The following PLCB1 variants were observed in gnomAD, a reference collection of about 807,000 sequenced individuals.
The protein encoded by PLCB1 is phospholipase C beta 1.
In PLCB1, 46 loss-of-function variants were observed where a neutral mutation model predicts 161.8. The ratio of observed to expected loss-of-function variants is 0.28; its 90% CI spans 0.22 to 0.36. PLCB1 has a LOEUF of 0.36. PLCB1 is among the 10% of genes least tolerant of loss of function. The pLI is 1.00. For synonymous variants in PLCB1, 517 were observed against 503.7 expected (o/e 1.03, Z -0.35); for missense variants, 1,016 against 1,472.5 (o/e 0.69, Z 5.07).
At chr20:8,479,401 T>G (rs1293000623) in intron 3 of PLCB1, among the ~76,000 whole-genome samples, 3 of 152,240 alleles carry the variant, frequency 2.0e-5, no homozygotes, top group Admixed American at 6.5e-5. Context: ...TTAGCTTACA[T>G]GAAATAAGTT....
intron 31 of PLCB1, among the ~76,000 whole-genome samples, chr20:8,843,413 C>A (rs933114099): frequency 1.3e-5 from 2 of 152,114 alleles, no homozygotes; most frequent in African/African-American, 4.8e-5. Flanking sequence ...GCATTGGCAA[C>A]CCAATACCTT....
rs1212524990 is a variant in PLCB1 at position 8,883,115 on chromosome 20, A to G, written c.*1266A>G. 1 of 152,314 alleles carries G rather than the reference A, an allele frequency of 6.6e-6. No individual in the cohort carries two copies. The highest frequency in any genetic ancestry group is 2.4e-5 in the African/African-American group (1 of 41,454). 9.4% of individuals were successfully genotyped at this position (152,314 alleles called of 1,614,324 possible). ...TAGAACTTATATGAATTTGATTTAT[A>G]TTTTGCAAGATCAAAAATTAGATGT... On this transcript the variant is annotated 3_prime_UTR_variant, in exon 32 of 32. Transcript: ENST00000338037.
At chr20:8,585,751 G>A (rs1257006279) in intron 3 of PLCB1, among the ~76,000 whole-genome samples, 1 of 152,154 alleles carries the variant, frequency 6.6e-6, no homozygotes, top group African/African-American at 2.4e-5. Context: ...TCTCCTAAAT[G>A]TGAGGTGGTC....
intron 31 of PLCB1, among the ~76,000 whole-genome samples, chr20:8,866,431 C>G (rs961692851): frequency 2.6e-5 from 4 of 152,184 alleles, no homozygotes; most frequent in African/African-American, 9.7e-5. Flanking sequence ...GGTTAACTAT[C>G]AAGTCCAAAG....
chr20:8,499,146 G>T (rs547188973), intron 3 of PLCB1, among the ~76,000 whole-genome samples: 7 of 152,226 alleles, frequency 4.6e-5, no homozygotes, highest in African/African-American at 1.7e-4. Context: ...TGAGCCGGAT[G>T]TGGTTTTCAT....
At chr20:8,225,647 C>T (rs905594656) in intron 2 of PLCB1, among the ~76,000 whole-genome samples, 5 of 152,126 alleles carry the variant, frequency 3.3e-5, no homozygotes, top group Admixed American at 6.5e-5. Context: ...CTTGATTTAC[C>T]TGCCAAGTGG....
chr20:8,592,664 G>T (rs1405299916), intron 3 of PLCB1, among the ~76,000 whole-genome samples: 1 of 152,196 alleles, frequency 6.6e-6, no homozygotes, highest in East Asian at 1.9e-4. Context: ...CTCGTCACAT[G>T]TGATCAGGAG....
Position 8,331,611 on chromosome 20 carries a change from C to T in PLCB1, c.178-39771C>T, listed in dbSNP as rs555135823. 1.8e-4 allele frequency among the ~76,000 whole-genome samples: 28 copies of T among 152,286 alleles called. 1 individual carries two copies. In the South Asian group the frequency reaches 5.2e-3, roughly 28 times the overall value. On this transcript the variant is annotated intron_variant, in intron 2 of 31. Transcript: ENST00000338037. ...CACCAAACCATTACATCTTCAGTTA[C>T]AAGGCACTTCACTAAAAGAGTGGCT...
At chr20:8,416,884 G>T (rs1979297107) in intron 3 of PLCB1, among the ~76,000 whole-genome samples, 1 of 150,368 alleles carries the variant, frequency 6.7e-6, no homozygotes, top group Non-Finnish European at 1.5e-5. Flanking sequence ...GTGCTTTTGG[G>T]AAATAGTCCT....
intron 19 of PLCB1, among the ~76,000 whole-genome samples, chr20:8,735,070 G>C (rs1461854851): frequency 6.6e-6 from 1 of 152,188 alleles, no homozygotes; most frequent in Non-Finnish European, 1.5e-5. Flanking sequence ...TTTTAGGAAA[G>C]TATTTTCAGA....
At chr20:8,436,286 C>T (rs1004974930) in intron 3 of PLCB1, among the ~76,000 whole-genome samples, 5 of 149,836 alleles carry the variant, frequency 3.3e-5, no homozygotes, top group South Asian at 4.2e-4. Context: ...ACTGAGATCG[C>T]GCCACCGAAC....
intron 3 of PLCB1, among the ~76,000 whole-genome samples, chr20:8,572,130 T>C (rs1986541831): frequency 6.6e-6 from 1 of 152,246 alleles, no homozygotes; most frequent in African/African-American, 2.4e-5. Context: ...ATTTAATTTA[T>C]ATACAGAATC....
At chr20:8,645,441 TTG>T (rs1284888907) in intron 4 of PLCB1, among the ~76,000 whole-genome samples, 16 of 152,338 alleles carry the variant, frequency 1.1e-4, no homozygotes, top group Admixed American at 4.6e-4. Flanking sequence ...CCAGAATGTG[TTG>T]TGTGTTTCAA....
At chr20:8,407,547 T>A (rs913591005) in intron 3 of PLCB1, among the ~76,000 whole-genome samples, 1 of 152,204 alleles carries the variant, frequency 6.6e-6, no homozygotes, top group African/African-American at 2.4e-5. Flanking sequence ...CGGAAACCCC[T>A]GATAAACTCG....
At chr20:8,379,726 G>T (rs973437601) in intron 3 of PLCB1, among the ~76,000 whole-genome samples, 1 of 152,170 alleles carries the variant, frequency 6.6e-6, no homozygotes, top group Admixed American at 6.5e-5. Context: ...TTTTTCATAT[G>T]TTTCTTGGCT....
In PLCB1 at chr20:8,881,782, A is replaced by G. The variant is rs186429469; in HGVS notation, c.3584A>G (p.His1195Arg). The G allele has an allele frequency of 3.9e-4, 633 of 1,614,140 alleles. 7 individuals are homozygous for G. Among genetic ancestry groups the G allele is most frequent in the Middle Eastern group, 2.5e-3 (15 of 6,060 alleles). Residue 1195 changes from histidine (H) to arginine (R), a missense_variant, in exon 32 of 32, where the codon CAC (histidine) becomes CGC (arginine). By Grantham distance (29) the His-to-Arg change is conservative (BLOSUM62 0). Coordinates refer to ENST00000338037, the MANE Select transcript of PLCB1 (RefSeq NM_015192.4). Reference protein sequence around the residue: ...SLSSDPGKVNHKTPSSEELGG... With the variant: ...SLSSDPGKVNRKTPSSEELGG... Reference sequence around the variant, plus strand: ...TCCTCAGACCCTGGAAAAGTGAACCACAAGACTCCCTCCAGTGAGGAGCTG... The same window carrying G: ...TCCTCAGACCCTGGAAAAGTGAACCGCAAGACTCCCTCCAGTGAGGAGCTG...
At chr20:8,730,123 T>C (rs1013978440) in intron 18 of PLCB1, among the ~76,000 whole-genome samples, 1 of 151,968 alleles carries the variant, frequency 6.6e-6, no homozygotes, top group African/African-American at 2.4e-5. Context: ...GTATATTGTC[T>C]TTTGTGAAAC....
chr20:8,471,260 C>A (rs1191476271), intron 3 of PLCB1, among the ~76,000 whole-genome samples: 1 of 152,164 alleles, frequency 6.6e-6, no homozygotes, highest in Non-Finnish European at 1.5e-5. Context: ...TCAAGGGCTT[C>A]CTTGAACCTT....
intron 2 of PLCB1, among the ~76,000 whole-genome samples, chr20:8,262,940 GACCTAATCTAA>G (rs1171899750): frequency 2.0e-5 from 3 of 152,142 alleles, no homozygotes; most frequent in Non-Finnish European, 4.4e-5. Context: ...CCCCTCTGAT[GACCTAATCTAA>G]ACCTAATTAC....
Sources: allele counts gnomAD v4.1 joint callset (sites outside exome capture counted in the v4.1 genomes callset), GRCh38; gene constraint gnomAD v4.1.1; transcripts MANE v1.5; gene names NCBI Gene and HGNC (gene_info 2026-07-23, HGNC 2026-07-21).